The following EPG5 variants were observed in gnomAD, a reference collection of about 807,000 sequenced individuals.
EPG5 encodes the protein ectopic P-granules 5 autophagy tethering factor.
In EPG5, 159 loss-of-function variants were observed where a neutral mutation model predicts 302.7. The observed-to-expected ratio is 0.53, with a 90% confidence interval of 0.46 to 0.60. The LOEUF (loss-of-function observed/expected upper bound fraction) is 0.60. EPG5 is among the 20% of genes least tolerant of loss of function. The pLI, the probability that EPG5 is intolerant of heterozygous loss-of-function variation, is 0.00. For missense variants in EPG5, 2,896 were observed against 3,092.4 expected (o/e 0.94, Z 1.51); for synonymous variants, 1,158 against 1,136.8 (o/e 1.02, Z -0.37).
intron 31 of EPG5, among the ~76,000 whole-genome samples, chr18:45,881,139 G>A (rs547192529): frequency 7.9e-5 from 12 of 152,332 alleles, no homozygotes; most frequent in Non-Finnish European, 1.6e-4. Context: ...TGAAGCTCAT[G>A]ACATCTGAGA....
chr18:45,828,592 T>C, the EPG5 span, among the ~76,000 whole-genome samples: 1 of 152,140 alleles, frequency 6.6e-6, no homozygotes, highest in Admixed American at 6.5e-5. Flanking sequence ...GCCAGGCCTG[T>C]GACAAACAGT....
chr18:45,966,777 G>A (rs2051273643), intron 1 of EPG5, among the ~76,000 whole-genome samples: 2 of 152,184 alleles, frequency 1.3e-5, no homozygotes, highest in Non-Finnish European at 2.9e-5. Flanking sequence ...TGGAGGAGGG[G>A]AACATTCCCT....
At chr18:45,947,754 C>A (rs112905393) in intron 6 of EPG5, among the ~76,000 whole-genome samples, 624 of 152,162 alleles carry the variant, frequency 4.1e-3, no homozygotes, top group Non-Finnish European at 6.6e-3. Context: ...GTCCCGTTCT[C>A]CTACTGAAAT....
At chr18:45,842,457 G>GAA in the EPG5 span, 1 of 467,022 alleles carries the variant, frequency 2.1e-6, no homozygotes, top group Non-Finnish European at 3.9e-6. Context: ...GAGAGAGAGA[G>GAA]AGAGTACACG....
the EPG5 span, among the ~76,000 whole-genome samples, chr18:45,826,694 T>C: frequency 6.6e-6 from 1 of 152,146 alleles, no homozygotes. Context: ...CCTGAGCTGT[T>C]AGTCAACATT....
intron 35 of EPG5, among the ~76,000 whole-genome samples, chr18:45,871,165 G>A (rs1235163165): frequency 2.6e-5 from 4 of 152,174 alleles, no homozygotes; most frequent in African/African-American, 9.7e-5. Flanking sequence ...ATAGCCAATA[G>A]GTGCATGAAG....
At chr18:45,962,166 A>G (rs2051163612) in intron 1 of EPG5, among the ~76,000 whole-genome samples, 1 of 152,198 alleles carries the variant, frequency 6.6e-6, no homozygotes. Context: ...TTTAGGAGGC[A>G]CGAAAGAAGC....
chr18:45,812,389 A>C, the EPG5 span, among the ~76,000 whole-genome samples: 1 of 152,156 alleles, frequency 6.6e-6, no homozygotes, highest in East Asian at 1.9e-4. Flanking sequence ...GCTACCAATG[A>C]CTTTCTTCAC....
At chr18:45,868,417 A>G (rs1263699823) in intron 36 of EPG5, among the ~76,000 whole-genome samples, 1 of 150,928 alleles carries the variant, frequency 6.6e-6, no homozygotes, top group Non-Finnish European at 1.5e-5. Flanking sequence ...GGCTCAACGC[A>G]ACCTCCGCCT....
At chr18:45,861,846 G>C (rs2048643216) in intron 39 of EPG5, among the ~76,000 whole-genome samples, 1 of 151,816 alleles carries the variant, frequency 6.6e-6, no homozygotes, top group Admixed American at 6.6e-5. Flanking sequence ...GTTTTATCTG[G>C]TATGACAATC....
Position 45,922,460 on chromosome 18 carries a change from G to C in EPG5, c.2979C>G (p.Phe993Leu), listed in dbSNP as rs1158333141. Residue 993 changes from phenylalanine to leucine, a missense_variant, in exon 16 of 44, where the codon TTC becomes TTG. Coordinates refer to ENST00000282041, the MANE Select transcript of EPG5 (RefSeq NM_020964.3). Reference protein sequence around the residue: ...GIQPNCPAVPFSVTVPDMTES... With the variant: ...GIQPNCPAVPLSVTVPDMTES... Reference sequence around the variant, plus strand: ...CTGTCATGTCAGGCACAGTGACGGAGAAGGGAACAGCTGGACAATTCGGCT... The same window carrying C: ...CTGTCATGTCAGGCACAGTGACGGACAAGGGAACAGCTGGACAATTCGGCT... 1 of 1,614,102 alleles carries C rather than the reference G, an allele frequency of 6.2e-7. No homozygotes were observed. Among genetic ancestry groups the C allele is most frequent in the Non-Finnish European group, 8.5e-7 (1 of 1,180,046 alleles).
chr18:45,967,300 T>C lies in EPG5; in HGVS notation c.-61A>G, dbSNP rs2051289556. The C allele has an allele frequency of 2.0e-6, 3 of 1,467,958 alleles. No homozygotes were observed. Among genetic ancestry groups the C allele is most frequent in the Non-Finnish European group, 2.7e-6 (3 of 1,093,986 alleles). The allele number at this position is 1,467,958 out of a possible 1,614,324, so 90.9% of individuals were successfully genotyped here. Reference sequence around the variant, plus strand: ...TCAAACCCCTGCGCTTCAAGCAACCTGCCCGGTTCTGGCCTCCGGACTGTC... The same window carrying C: ...TCAAACCCCTGCGCTTCAAGCAACCCGCCCGGTTCTGGCCTCCGGACTGTC... On this transcript the variant is annotated 5_prime_UTR_variant, in exon 1 of 44. Transcript: ENST00000282041.
chr18:45,925,828 C>T lies in EPG5; in HGVS notation c.2628G>A (p.Arg876=), dbSNP rs1446471870. ...QPSASEIAVI[R]DWLLNYNLTV... ...TCAGGTTGTAATTCAATAACCAATC[C>T]CGAATCACCGCTATCTCAGATGCAG... Residue 876 remains arginine (R), a synonymous_variant, in exon 14 of 44, where the codon CGG becomes CGA. Transcript: ENST00000282041. 6.3e-6 allele frequency: 10 copies of T among 1,585,180 alleles called. No homozygotes were observed. The highest frequency in any genetic ancestry group is 7.7e-6 in the Non-Finnish European group (9 of 1,167,564).
Position 45,954,546 on chromosome 18 carries a change from C to G in EPG5, c.856G>C (p.Asp286His). Residue 286 changes from aspartate (D) to histidine (H), a missense_variant, in exon 2 of 44, where the codon GAC becomes CAC. This residue lies in a region of EPG5 where 1,390 missense variants were observed against 1,430.0 expected (regional missense o/e 0.97). Coordinates refer to ENST00000282041, the MANE Select transcript of EPG5 (RefSeq NM_020964.3). ...LEEFDSMAHQ[D>H]RHEFYELLLN... The stretch of plus-strand genomic sequence containing the variant: ...AGCAACTCATAAAATTCATGCCTGT[C>G]TTGATGAGCCATGCTGTCAAATTCT... The G allele has an allele frequency of 6.2e-7, 1 of 1,614,260 alleles. No individual in the cohort carries two copies. The highest frequency in any genetic ancestry group is 1.3e-5 in the African/African-American group (1 of 75,078).
intron 1 of EPG5, among the ~76,000 whole-genome samples, chr18:45,957,738 T>C (rs1003497877): frequency 1.3e-5 from 2 of 152,230 alleles, no homozygotes; most frequent in Admixed American, 1.3e-4. Context: ...GTGTCTGATT[T>C]GTTGCTAACA....
chr18:45,865,621 G>A lies in EPG5; in HGVS notation c.6760C>T (p.Pro2254Ser). 1 of 1,613,862 alleles carries A rather than the reference G, an allele frequency of 6.2e-7. No individual in the cohort carries two copies. Residue 2254 changes from proline to serine, a missense_variant, in exon 39 of 44, where the codon CCG (proline) becomes TCG (serine). Around this residue, in one of 5 missense-constraint regions of EPG5, gnomAD observed 620 missense variants for 704.2 expected, o/e 0.88. Coordinates refer to ENST00000282041, the MANE Select transcript of EPG5 (RefSeq NM_020964.3). ...CTTCCGACTGGTCACTTACCGGGCG[G>A]GTTAAAGACAATGATATCGTCTAAG... ...KLLDDIIVFNPPDMDSQTRHM... is the reference protein window; with the variant it reads ...KLLDDIIVFNSPDMDSQTRHM...
intron 3 of EPG5, 96 bp from the exon 4 acceptor site, chr18:45,951,334 A>G: frequency 2.2e-6 from 2 of 893,588 alleles, no homozygotes; most frequent in Non-Finnish European, 3.0e-6. Flanking sequence ...AAAAACCTTT[A>G]AAATATTTAG....
chr18:45,865,819 A>C (rs1373479428), intron 38 of EPG5, 60 bp from the exon 39 acceptor site: 3 of 1,550,210 alleles, frequency 1.9e-6, no homozygotes, highest in Admixed American at 3.6e-5. Flanking sequence ...TGTTAACTGC[A>C]TATTTCCTGG....
chr18:45,834,488 G>A, the EPG5 span, among the ~76,000 whole-genome samples: 2 of 152,218 alleles, frequency 1.3e-5, no homozygotes, highest in Non-Finnish European at 2.9e-5. Context: ...GCCCCCTGCT[G>A]TAGGAAAGAC....
Sources: gnomAD v4.1 joint callset for allele counts (sites outside exome capture counted in the v4.1 genomes callset) on GRCh38, gnomAD v4.1.1 for gene constraint, gnomAD v4.1.1 regional missense constraint, MANE v1.5 for transcripts, NCBI Gene and HGNC (gene_info 2026-07-23, HGNC 2026-07-21) for gene names.